The following SIRT3 variants were observed in gnomAD, a reference collection of about 807,000 sequenced individuals.
SIRT3 encodes sirtuin 3, also known as NAD-dependent protein deacetylase sirtuin-3, mitochondrial.
A neutral mutation model predicts 33.5 loss-of-function variants in SIRT3; 26 were observed. The ratio of observed to expected loss-of-function variants is 0.78; its 90% CI spans 0.57 to 1.08. The LOEUF is 1.08. Among genes scored for constraint, SIRT3 ranks in the 50% least tolerant of loss-of-function variants. The pLI is 0.00. For missense variants in SIRT3, 585 were observed against 530.1 expected (o/e 1.10, Z -1.02); for synonymous variants, 237 against 222.1 (o/e 1.07, Z -0.60).
chr11:216,852 C>G, intron 6 of SIRT3, 134 bp from the exon 7 acceptor site: 1 of 968,322 alleles, frequency 1.0e-6, no homozygotes, highest in South Asian at 1.4e-5. Context: ...GCAAATACTG[C>G]TGCTGCTGTG....
intron 4 of SIRT3, among the ~76,000 whole-genome samples, chr11:225,407 G>A (rs1857040200): frequency 6.7e-6 from 1 of 150,248 alleles, no homozygotes; most frequent in Admixed American, 6.7e-5. Flanking sequence ...GCGAGACTCT[G>A]TCTCAAAAAA....
intron 1 of SIRT3, among the ~76,000 whole-genome samples, chr11:234,306 T>G (rs1435541692): frequency 6.6e-6 from 1 of 152,156 alleles, no homozygotes; most frequent in Admixed American, 6.5e-5. Flanking sequence ...TTCAGAGAGC[T>G]CAAAAATCCA....
intron 5 of SIRT3, among the ~76,000 whole-genome samples, chr11:220,330 CAAAA>C (rs55855156): frequency 1.1e-5 from 1 of 87,030 alleles, no homozygotes; most frequent in African/African-American, 4.1e-5. Flanking sequence ...GACTCTGTCT[CAAAA>C]AAAAAAAAAA....
At chr11:222,339 A>G in intron 5 of SIRT3, 1 of 153,222 alleles carries the variant, frequency 6.5e-6, no homozygotes. Flanking sequence ...AAATCCGTGG[A>G]AACAAGGCTG....
intron 1 of SIRT3, among the ~76,000 whole-genome samples, chr11:235,344 A>T (rs565649531): frequency 1.3e-5 from 2 of 150,292 alleles, no homozygotes; most frequent in African/African-American, 4.9e-5. Context: ...TAACTGGGAC[A>T]ACAGGCTTGC....
intron 4 of SIRT3, among the ~76,000 whole-genome samples, chr11:228,017 C>G (rs937111818): frequency 4.6e-5 from 7 of 152,180 alleles, no homozygotes; most frequent in Admixed American, 4.6e-4. Flanking sequence ...CAGTTCAAAC[C>G]CTAACAGAGC....
intron 4 of SIRT3, among the ~76,000 whole-genome samples, chr11:228,807 A>G (rs1857508098): frequency 6.6e-6 from 1 of 152,226 alleles, no homozygotes; most frequent in African/African-American, 2.4e-5. Flanking sequence ...AACCTACAGA[A>G]TGACAGAAAA....
rs1856041014 is a variant in SIRT3, at chr11:219,013, G to A, written c.998C>T (p.Ala333Val). ...EVEPFASLTEAVRSSVPRLLI... is the reference protein window; with the variant it reads ...EVEPFASLTEVVRSSVPRLLI... ...CAGTCGGGGAACTGAGCTCCGCACG[G>A]CCTCGGTCAAGCTGGCAAAAGGCTC... Residue 333 changes from alanine to valine, a missense_variant, in exon 6 of 7, where the codon GCC (alanine) becomes GTC (valine). Coordinates refer to ENST00000382743, the MANE Select transcript of SIRT3 (RefSeq NM_012239.6). 1.2e-6 allele frequency: 2 copies of A among 1,613,722 alleles called. No individual in the cohort carries two copies. Among genetic ancestry groups the A allele is most frequent in the African/African-American group, 1.3e-5 (1 of 74,898 alleles).
chr11:231,313 G>A (rs1315536284), intron 3 of SIRT3, among the ~76,000 whole-genome samples: 5 of 152,030 alleles, frequency 3.3e-5, no homozygotes, highest in East Asian at 1.9e-4. Flanking sequence ...GTGCATGCCC[G>A]TAGTCCCAGC....
intron 4 of SIRT3, among the ~76,000 whole-genome samples, chr11:224,597 C>CA (rs2133849606): frequency 6.6e-6 from 1 of 152,340 alleles, no homozygotes; most frequent in African/African-American, 2.4e-5. Flanking sequence ...CACCAGTCCT[C>CA]AAACAGTAGT....
At chr11:230,105 T>G (rs1857712287) in intron 4 of SIRT3, among the ~76,000 whole-genome samples, 1 of 150,452 alleles carries the variant, frequency 6.6e-6, no homozygotes, top group Non-Finnish European at 1.5e-5. Context: ...CCCAGCTACT[T>G]AGGAGGCTGA....
intron 1 of SIRT3, among the ~76,000 whole-genome samples, chr11:235,158 G>C (rs924247590): frequency 5.9e-5 from 9 of 151,920 alleles, no homozygotes; most frequent in Admixed American, 3.9e-4. Flanking sequence ...TTACAGGCGT[G>C]AGCTACCGCG....
At chr11:234,771 C>T (rs768613242) in intron 1 of SIRT3, among the ~76,000 whole-genome samples, 5 of 151,714 alleles carry the variant, frequency 3.3e-5, no homozygotes, top group African/African-American at 4.8e-5. Flanking sequence ...ATGCGCTCCA[C>T]GTGTTTGTAG....
intron 6 of SIRT3, among the ~76,000 whole-genome samples, chr11:217,218 G>A (rs938703847): frequency 2.0e-5 from 3 of 152,230 alleles, no homozygotes; most frequent in Non-Finnish European, 4.4e-5. Flanking sequence ...GGGAGGCTGA[G>A]GCAGGTGGAT....
At chr11:225,623 A>G (rs1857077530) in intron 4 of SIRT3, 2 of 152,328 alleles carry the variant, frequency 1.3e-5, no homozygotes, top group South Asian at 4.1e-4. Flanking sequence ...GAAGGACCTT[A>G]TAACAGAATA....
At chr11:225,488 T>C (rs1288954152) in intron 4 of SIRT3, among the ~76,000 whole-genome samples, 2 of 152,134 alleles carry the variant, frequency 1.3e-5, no homozygotes, top group African/African-American at 4.8e-5. Context: ...TATGTAATAA[T>C]GTAGCAGACT....
At chr11:220,330 CAAAAAAAAA>C (rs55855156) in intron 5 of SIRT3, among the ~76,000 whole-genome samples, 9 of 87,040 alleles carry the variant, frequency 1.0e-4, no homozygotes, top group African/African-American at 3.7e-4. Flanking sequence ...GACTCTGTCT[CAAAAAAAAA>C]AAAAAAAAAA....
At chr11:217,076 G>T (rs925835087) in intron 6 of SIRT3, among the ~76,000 whole-genome samples, 4 of 152,208 alleles carry the variant, frequency 2.6e-5, no homozygotes, top group Non-Finnish European at 5.9e-5. Context: ...TCTGAAACTA[G>T]ATTATACAGT....
At position 224,070 on chromosome 11, in the gene SIRT3, T is replaced by C. The variant is rs199515394; in HGVS notation, c.969+8A>G. 4.0e-5 allele frequency: 64 copies of C among 1,613,422 alleles called. No individual in the cohort carries two copies. The highest frequency in any genetic ancestry group is 5.1e-5 in the Non-Finnish European group (60 of 1,179,822). ...CAGCCTCCTCCCTGCACAGGCCTGC[T>C]GACAAACCTCCAGGGAGGTCCCAAG... On this transcript the variant is annotated splice_region_variant and intron_variant, in intron 5 of 6. Transcript: ENST00000382743.
Sources: allele counts gnomAD v4.1 joint callset (sites outside exome capture counted in the v4.1 genomes callset), GRCh38; gene constraint gnomAD v4.1.1; transcripts MANE v1.5; gene names NCBI Gene and HGNC (gene_info 2026-07-23, HGNC 2026-07-21).